Variants in PROCR observed in about 807,000 individuals in gnomAD.
The protein encoded by PROCR is protein C receptor.
A neutral mutation model predicts 24.2 loss-of-function variants in PROCR; 22 were observed. The observed-to-expected ratio is 0.91, with a 90% CI of 0.65 to 1.30. PROCR has a LOEUF of 1.30. Among genes scored for constraint, PROCR ranks in the 50% most tolerant of loss-of-function variants. The pLI is 0.00. For synonymous variants in PROCR, 137 were observed against 139.2 expected (o/e 0.98, Z 0.11); for missense variants, 288 against 307.7 (o/e 0.94, Z 0.48).
intron 1 of PROCR, among the ~76,000 whole-genome samples, chr20:35,192,611 C>A (rs2086183354): frequency 6.6e-6 from 1 of 152,162 alleles, no homozygotes; most frequent in South Asian, 2.1e-4. Flanking sequence ...TTAGGGCCTA[C>A]TGTTTTACTG....
At chr20:35,205,771 A>ATATATACACACATATATATG (rs2060337564) in intron 1 of PROCR, among the ~76,000 whole-genome samples, 2 of 45,464 alleles carry the variant, frequency 4.4e-5, no homozygotes, top group Non-Finnish European at 1.0e-4. Flanking sequence ...ATATATATAT[A>ATATATACACACATATATATG]TATATATATA....
intron 1 of PROCR, among the ~76,000 whole-genome samples, chr20:35,198,357 C>A (rs2060306471): frequency 6.6e-6 from 1 of 152,028 alleles, no homozygotes; most frequent in Non-Finnish European, 1.5e-5. Flanking sequence ...AGTCTTAATG[C>A]TTATACAGAG....
chr20:35,177,578 G>C (rs1250449650), downstream of PROCR, among the ~76,000 whole-genome samples: 10 of 150,488 alleles, frequency 6.6e-5, no homozygotes. Context: ...CTCCCAAGCA[G>C]CTGGGATTAC....
downstream of PROCR, among the ~76,000 whole-genome samples, chr20:35,178,069 T>C (rs2086038879): frequency 6.6e-6 from 1 of 152,102 alleles, no homozygotes; most frequent in Non-Finnish European, 1.5e-5. Context: ...TATCTACCTG[T>C]GGTTTCCATG....
At chr20:35,195,157 A>C (rs903350783) in intron 1 of PROCR, 27 of 152,364 alleles carry the variant, frequency 1.8e-4, no homozygotes, top group African/African-American at 6.3e-4. Flanking sequence ...AACCAAATAG[A>C]AATTATGTGA....
chr20:35,181,040 G>C (rs1160062124), downstream of PROCR, among the ~76,000 whole-genome samples: 2 of 150,190 alleles, frequency 1.3e-5, no homozygotes, highest in Non-Finnish European at 3.0e-5. Flanking sequence ...CTAATTTTTT[G>C]TATTTTTAGT....
chr20:35,212,816 T>C lies in PROCR; in HGVS notation c.95-3077T>C, dbSNP rs144430928. Among the ~76,000 whole-genome samples, 22 of 152,360 alleles carry C rather than the reference T, an allele frequency of 1.4e-4. No individual in the cohort carries two copies. The East Asian group carries it at 4.2e-3, about 29-fold the overall frequency. ...GTCAAAGGTATGCTCATTTTCAAGG[T>C]TGATAGGCATTGCCAGTTGGTGACC... On this transcript the variant is annotated intron_variant, in intron 1 of 1. Transcript: ENST00000634509.
chr20:35,174,968 A>T lies in PROCR; in HGVS notation c.322+15A>T. 2 of 727,964 alleles carry T rather than the reference A, an allele frequency of 2.7e-6. No homozygotes were observed. Among genetic ancestry groups the T allele is most frequent in the Non-Finnish European group, 1.8e-6 (1 of 566,830 alleles). The allele number at this position is 727,964 out of a possible 1,614,324, so 45.1% of individuals were successfully genotyped here. On this transcript the variant is annotated intron_variant, in intron 2 of 3. Coordinates refer to ENST00000216968, the MANE Select transcript of PROCR (RefSeq NM_006404.5). ...GACCTTGGCCTGTGAGTAGGCGCGCAGCGGGGGCGGGGTCTGGGCGGGGCT... is the reference window on the plus strand; with the variant it reads ...GACCTTGGCCTGTGAGTAGGCGCGCTGCGGGGGCGGGGTCTGGGCGGGGCT...
chr20:35,205,970 C>T (rs1472918875), intron 1 of PROCR, among the ~76,000 whole-genome samples: 6 of 149,554 alleles, frequency 4.0e-5, no homozygotes, highest in Middle Eastern at 3.4e-3. Flanking sequence ...TGCACTTGAC[C>T]GCAAATCACA....
In PROCR at chr20:35,172,214, C is replaced by A. The variant is rs766042796; in HGVS notation, c.60C>A (p.Asp20Glu). 12 of 1,614,060 alleles carry A rather than the reference C, an allele frequency of 7.4e-6. No homozygotes were observed. The African/African-American group carries it at 1.6e-4, about 22-fold the overall frequency. ...CTGGCTGGGCCTTTTGTAGCCAAGA[C>A]GCCTCAGATGGTGAGTCGGGGGCAC... ...LLSGWAFCSQ[D>E]ASDGLQRLHM... Residue 20 changes from aspartate to glutamate, a missense_variant, in exon 1 of 4, where the codon GAC becomes GAA. By Grantham distance (45) the Asp-to-Glu change is conservative. Transcript: ENST00000216968.
chr20:35,213,946 T>A (rs1021642897), intron 1 of PROCR, among the ~76,000 whole-genome samples: 14 of 149,654 alleles, frequency 9.4e-5, no homozygotes, highest in Non-Finnish European at 3.0e-5. Flanking sequence ...TTTGTGGTGT[T>A]TGCCTGTAGT....
chr20:35,182,220 A>G (rs1225033065), downstream of PROCR, among the ~76,000 whole-genome samples: 1 of 152,214 alleles, frequency 6.6e-6, no homozygotes, highest in African/African-American at 2.4e-5. Context: ...GGCAACCAAA[A>G]CAGGTACAGG....
At chr20:35,178,141 C>T (rs568231015), downstream of PROCR, among the ~76,000 whole-genome samples, 39 of 152,012 alleles carry the variant, frequency 2.6e-4, no homozygotes, top group African/African-American at 8.7e-4. Flanking sequence ...CGGTGGCTCA[C>T]GCCTGTAATC....
intron 1 of PROCR, among the ~76,000 whole-genome samples, chr20:35,214,819 A>G (rs1263968097): frequency 6.6e-6 from 1 of 151,894 alleles, no homozygotes; most frequent in African/African-American, 2.4e-5. Flanking sequence ...ATTGAGACTG[A>G]GTCGGGGGAT....
At chr20:35,183,894 CA>C (rs2086100017) in intron 1 of PROCR, among the ~76,000 whole-genome samples, 1 of 152,114 alleles carries the variant, frequency 6.6e-6, no homozygotes, top group Non-Finnish European at 1.5e-5. Context: ...AAATGCAAAT[CA>C]AAACCATGAG....
At chr20:35,188,298 C>T (rs148004756) in intron 1 of PROCR, among the ~76,000 whole-genome samples, 8 of 152,244 alleles carry the variant, frequency 5.3e-5, no homozygotes, top group Non-Finnish European at 1.2e-4. Context: ...GCATACAAAG[C>T]AGTTTATTTT....
At chr20:35,193,079 C>A (rs2086187350) in intron 1 of PROCR, among the ~76,000 whole-genome samples, 1 of 151,954 alleles carries the variant, frequency 6.6e-6, no homozygotes, top group South Asian at 2.1e-4. Context: ...ACAGAACTAA[C>A]CTGTGGTGTT....
intron 1 of PROCR, among the ~76,000 whole-genome samples, chr20:35,184,329 T>C (rs1363292771): frequency 6.6e-6 from 1 of 152,132 alleles, no homozygotes. Context: ...CAACAAATGG[T>C]GCTGGGATAA....
At chr20:35,200,585 A>AC (rs2060314794) in intron 1 of PROCR, among the ~76,000 whole-genome samples, 4 of 152,190 alleles carry the variant, frequency 2.6e-5, no homozygotes, top group Admixed American at 1.3e-4. Context: ...TGTCTAATGT[A>AC]ATTAGACATA....
Sources: allele counts gnomAD v4.1 joint callset (sites outside exome capture counted in the v4.1 genomes callset), GRCh38; gene constraint gnomAD v4.1.1; transcripts MANE v1.5; gene names NCBI Gene and HGNC (gene_info 2026-07-23, HGNC 2026-07-21).